Variants in MYOCD observed in about 807,000 individuals in gnomAD.
MYOCD encodes myocardin.
A neutral mutation model predicts 96.1 loss-of-function variants in MYOCD; 32 were observed. The ratio of observed to expected loss-of-function variants is 0.33; its 90% CI spans 0.25 to 0.45. MYOCD has a LOEUF of 0.45. Ranked by LOEUF, MYOCD falls within the 20% of genes least tolerant of loss-of-function variation. The pLI, the probability that MYOCD is intolerant of heterozygous loss-of-function variation, is 1.00. For missense variants in MYOCD, 1,133 were observed against 1,200.6 expected (o/e 0.94, Z 0.83); for synonymous variants, 469 against 469.0 (o/e 1.00, Z 0.00).
chr17:12,739,064 C>A (rs1385404739), intron 6 of MYOCD, 139 bp from the exon 7 acceptor site: 1 of 915,248 alleles, frequency 1.1e-6, no homozygotes, highest in Non-Finnish European at 1.6e-6. Flanking sequence ...TGACTCCTCC[C>A]ACTGAGGGAG....
chr17:12,723,496 G>T (rs2031908434), intron 5 of MYOCD, among the ~76,000 whole-genome samples: 1 of 152,130 alleles, frequency 6.6e-6, no homozygotes, highest in Non-Finnish European at 1.5e-5. Context: ...TGAAATTCAT[G>T]GTAAACAGTA....
intron 5 of MYOCD, among the ~76,000 whole-genome samples, chr17:12,724,076 C>CT (rs2031926177): frequency 6.6e-6 from 1 of 152,138 alleles, no homozygotes; most frequent in African/African-American, 2.4e-5. Context: ...TACTCTCTCC[C>CT]TCCCCACTAA....
Position 12,753,227 on chromosome 17 carries a change from C to G in MYOCD, c.1939C>G (p.Gln647Glu). 6.2e-7 allele frequency: 1 copy of G among 1,614,188 alleles called. No individual in the cohort carries two copies. Among genetic ancestry groups the G allele is most frequent in the Non-Finnish European group, 8.5e-7 (1 of 1,180,026 alleles). ...HSPLGAVKSPQHISLPPSPNN... is the reference protein window; with the variant it reads ...HSPLGAVKSPEHISLPPSPNN... ...ACCGCTGGGGGCTGTGAAAAGCCCA[C>G]AGCACATCAGTTTGCCCCCATCACC... is the stretch of plus-strand genomic sequence containing the variant. Residue 647 changes from glutamine to glutamate, a missense_variant, in exon 10 of 14, where the codon CAG becomes GAG. Transcript: ENST00000425538.
intron 10 of MYOCD, among the ~76,000 whole-genome samples, chr17:12,755,723 T>G (rs1271897031): frequency 2.0e-5 from 3 of 152,022 alleles, no homozygotes; most frequent in African/African-American, 7.2e-5. Context: ...AGTACAAAAA[T>G]TAGCCGGGCG....
intron 1 of MYOCD, among the ~76,000 whole-genome samples, chr17:12,685,485 A>G (rs1313052860): frequency 1.3e-5 from 2 of 152,106 alleles, no homozygotes; most frequent in African/African-American, 4.8e-5. Flanking sequence ...GCATGCCTGT[A>G]GTCCCAGCTA....
intron 2 of MYOCD, among the ~76,000 whole-genome samples, chr17:12,712,062 C>T (rs543222963): frequency 6.6e-6 from 1 of 151,926 alleles, no homozygotes; most frequent in East Asian, 1.9e-4. Flanking sequence ...AGGGTTTCAC[C>T]ATCTTGGCCA....
chr17:12,727,724 C>T (rs969343229), intron 5 of MYOCD, among the ~76,000 whole-genome samples: 1 of 152,166 alleles, frequency 6.6e-6, no homozygotes, highest in South Asian at 2.1e-4. Context: ...GAATCTAGAA[C>T]CTCTCCCAAC....
At chr17:12,719,156 C>A (rs908549689) in intron 4 of MYOCD, among the ~76,000 whole-genome samples, 1 of 107,766 alleles carries the variant, frequency 9.3e-6, no homozygotes, top group African/African-American at 3.8e-5. Context: ...GCCGGGGCCA[C>A]AGAGGGAGAC....
chr17:12,706,527 G>A (rs558508304), intron 2 of MYOCD, among the ~76,000 whole-genome samples: 6 of 152,270 alleles, frequency 3.9e-5, no homozygotes, highest in Admixed American at 1.3e-4. Context: ...CAACCTTTCC[G>A]TAAGCCCAAG....
intron 2 of MYOCD, among the ~76,000 whole-genome samples, chr17:12,710,765 G>A (rs1234170454): frequency 6.6e-6 from 1 of 152,138 alleles, no homozygotes; most frequent in African/African-American, 2.4e-5. Context: ...TAATCTGTCT[G>A]CCTCTTCCCT....
chr17:12,703,246 GTT>G, intron 1 of MYOCD, among the ~76,000 whole-genome samples: 1 of 151,898 alleles, frequency 6.6e-6, no homozygotes, highest in South Asian at 2.1e-4. Flanking sequence ...TATATAATAT[GTT>G]GTGTCTCCCC....
chr17:12,669,243 CCA>C (rs1909548216), intron 1 of MYOCD, among the ~76,000 whole-genome samples: 1 of 152,174 alleles, frequency 6.6e-6, no homozygotes, highest in Non-Finnish European at 1.5e-5. Context: ...CGTATGTGTG[CCA>C]CACACAGGCA....
intron 11 of MYOCD, 50 bp from the exon 12 acceptor site, chr17:12,758,034 TA>T: frequency 7.2e-7 from 1 of 1,389,758 alleles, no homozygotes; most frequent in Non-Finnish European, 1.0e-6. Context: ...AGAAACAACA[TA>T]ATTTCAGATC....
intron 1 of MYOCD, among the ~76,000 whole-genome samples, chr17:12,685,507 G>A (rs953070018): frequency 9.9e-5 from 15 of 151,744 alleles, no homozygotes; most frequent in African/African-American, 3.4e-4. Context: ...TCGGGAGGCT[G>A]CGGCAGGAGA....
intron 1 of MYOCD, among the ~76,000 whole-genome samples, chr17:12,690,242 T>C (rs1198570188): frequency 6.6e-6 from 1 of 151,886 alleles, no homozygotes. Context: ...AAGATACTAA[T>C]AGTAAAAAAA....
intron 1 of MYOCD, among the ~76,000 whole-genome samples, chr17:12,669,535 T>G (rs1476931821): frequency 2.0e-5 from 3 of 152,250 alleles, no homozygotes; most frequent in Non-Finnish European, 4.4e-5. Flanking sequence ...ATAGCAGTAC[T>G]TGGGACATAC....
intron 1 of MYOCD, among the ~76,000 whole-genome samples, chr17:12,674,907 A>G (rs918225357): frequency 1.3e-5 from 2 of 152,234 alleles, no homozygotes; most frequent in African/African-American, 2.4e-5. Flanking sequence ...GCTTATGGCC[A>G]TGGCCAGGTT....
intron 1 of MYOCD, among the ~76,000 whole-genome samples, chr17:12,686,987 G>A (rs776657652): frequency 1.2e-4 from 18 of 152,136 alleles, no homozygotes; most frequent in East Asian, 7.7e-4. Flanking sequence ...GAATAAAATC[G>A]TTCATCTATT....
intron 1 of MYOCD, among the ~76,000 whole-genome samples, chr17:12,673,601 A>G (rs1909837353): frequency 1.3e-5 from 2 of 152,218 alleles, no homozygotes; most frequent in South Asian, 2.1e-4. Context: ...AAATAACACT[A>G]CTATGAAAAT....
Sources: allele counts gnomAD v4.1 joint callset (sites outside exome capture counted in the v4.1 genomes callset), GRCh38; gene constraint gnomAD v4.1.1; transcripts MANE v1.5; gene names NCBI Gene and HGNC (gene_info 2026-07-23, HGNC 2026-07-21).